Variants in KIAA0825 observed in about 807,000 individuals in gnomAD.
The protein encoded by KIAA0825 is uncharacterized protein KIAA0825.
Under a neutral mutation model 147.6 loss-of-function variants are expected in KIAA0825, and 119 were observed. The ratio of observed to expected loss-of-function variants is 0.81; its 90% CI spans 0.69 to 0.94. KIAA0825 has a LOEUF of 0.94. Ranked by LOEUF, KIAA0825 falls within the 40% of genes least tolerant of loss-of-function variation. The pLI, the probability that KIAA0825 is intolerant of heterozygous loss-of-function variation, is 0.00. For missense variants in KIAA0825, 1,381 were observed against 1,472.7 expected (o/e 0.94, Z 1.02); for synonymous variants, 470 against 518.1 (o/e 0.91, Z 1.26).
intron 2 of KIAA0825, among the ~76,000 whole-genome samples, chr5:94,541,536 T>C (rs1410998947): frequency 6.6e-6 from 1 of 152,224 alleles, no homozygotes; most frequent in Non-Finnish European, 1.5e-5. Context: ...AAAATTAATC[T>C]TGTAAAAAAA....
At chr5:94,562,563 T>G (rs1777741281) in intron 2 of KIAA0825, among the ~76,000 whole-genome samples, 1 of 152,220 alleles carries the variant, frequency 6.6e-6, no homozygotes, top group Non-Finnish European at 1.5e-5. Context: ...ACACAGAAGC[T>G]TTCAAGGAGC....
chr5:94,572,039 T>C (rs769962283), intron 2 of KIAA0825, among the ~76,000 whole-genome samples: 12 of 150,960 alleles, frequency 7.9e-5, no homozygotes, highest in Non-Finnish European at 1.6e-4. Context: ...GGTGTGCTAG[T>C]AGTGTGCCTG....
At chr5:94,312,479 G>A (rs114273550) in intron 20 of KIAA0825, among the ~76,000 whole-genome samples, 158 of 151,748 alleles carry the variant, frequency 1.0e-3, no homozygotes, top group African/African-American at 3.4e-3. Flanking sequence ...GGCTCCAAAG[G>A]AGCCATTGTT....
At chr5:94,317,128 G>A (rs1435839875) in intron 20 of KIAA0825, among the ~76,000 whole-genome samples, 2 of 151,810 alleles carry the variant, frequency 1.3e-5, no homozygotes, top group Admixed American at 6.6e-5. Flanking sequence ...TGGGAAGGGA[G>A]TGTGAATCCA....
chr5:94,466,620 C>T (rs1289812143), intron 10 of KIAA0825, among the ~76,000 whole-genome samples: 3 of 151,284 alleles, frequency 2.0e-5, no homozygotes, highest in Non-Finnish European at 2.9e-5. Flanking sequence ...GCCTGTAGTC[C>T]CAGCTACTTG....
intron 5 of KIAA0825, among the ~76,000 whole-genome samples, chr5:94,515,043 A>G (rs1034822789): frequency 6.6e-6 from 1 of 152,224 alleles, no homozygotes; most frequent in Non-Finnish European, 1.5e-5. Flanking sequence ...AAGAAAAATT[A>G]AAGATAGGAT....
At chr5:94,284,890 G>T (rs139793587) in intron 20 of KIAA0825, among the ~76,000 whole-genome samples, 1 of 151,908 alleles carries the variant, frequency 6.6e-6, no homozygotes, top group East Asian at 1.9e-4. Flanking sequence ...TACATGTATC[G>T]TGTACTAATT....
intron 3 of KIAA0825, 78 bp from the exon 4 acceptor site, chr5:94,524,176 A>C: frequency 1.2e-6 from 1 of 847,918 alleles, no homozygotes; most frequent in Non-Finnish European, 1.8e-6. Flanking sequence ...AGGCCCTGAA[A>C]TCTTCATATG....
chr5:94,521,808 T>A (rs1422690822), intron 4 of KIAA0825, among the ~76,000 whole-genome samples: 1 of 151,746 alleles, frequency 6.6e-6, no homozygotes, highest in East Asian at 1.9e-4. Context: ...GAAATTAGTT[T>A]ATATTCTCTA....
chr5:94,482,234 T>C (rs547872048), intron 6 of KIAA0825, among the ~76,000 whole-genome samples: 1 of 152,178 alleles, frequency 6.6e-6, no homozygotes, highest in African/African-American at 2.4e-5. Flanking sequence ...AAGTCTACAA[T>C]ATAATAGTAA....
At position 94,538,628 on chromosome 5, in the gene KIAA0825, T is replaced by C. The variant is rs934421315; in HGVS notation, c.-1-1501A>G. On this transcript the variant is annotated intron_variant, in intron 2 of 20. Transcript: ENST00000682413. ...AACTTGATTCTCCACTTTCATGCTA[T>C]TGATTTGCCTCAAATGTCTAAATGA... Among the ~76,000 whole-genome samples the C allele has an allele frequency of 4.6e-5, 7 of 152,388 alleles. No homozygotes were observed. In the South Asian group the frequency reaches 1.4e-3, roughly 32 times the overall value.
chr5:94,267,626 A>G (rs1192247823), intron 20 of KIAA0825, among the ~76,000 whole-genome samples: 3 of 152,162 alleles, frequency 2.0e-5, no homozygotes, highest in Non-Finnish European at 4.4e-5. Context: ...TCGTCATATC[A>G]ATTACCACTC....
At chr5:94,504,306 C>G (rs1765447906) in intron 5 of KIAA0825, among the ~76,000 whole-genome samples, 1 of 152,150 alleles carries the variant, frequency 6.6e-6, no homozygotes, top group Admixed American at 6.5e-5. Context: ...TGAAGCACCT[C>G]TCTTTAATCA....
chr5:94,220,876 A>T (rs1773614028), intron 20 of KIAA0825, among the ~76,000 whole-genome samples: 1 of 152,168 alleles, frequency 6.6e-6, no homozygotes, highest in Non-Finnish European at 1.5e-5. Context: ...TTATTATGGG[A>T]CTGAAAACTA....
At chr5:94,360,937 G>C (rs181332452) in intron 20 of KIAA0825, among the ~76,000 whole-genome samples, 1 of 152,076 alleles carries the variant, frequency 6.6e-6, no homozygotes, top group Non-Finnish European at 1.5e-5. Context: ...TTGGGGTCTG[G>C]ATCGGGATCC....
chr5:94,577,079 A>AT (rs1257664814), intron 2 of KIAA0825, among the ~76,000 whole-genome samples: 2 of 152,060 alleles, frequency 1.3e-5, no homozygotes, highest in African/African-American at 4.8e-5. Flanking sequence ...ATTGCTTTTC[A>AT]TTTTTTCATT....
chr5:94,236,579 T>C (rs77470180), intron 20 of KIAA0825, among the ~76,000 whole-genome samples: 1 of 152,194 alleles, frequency 6.6e-6, no homozygotes, highest in East Asian at 1.9e-4. Context: ...GAGGATTAAG[T>C]TCAATTTTGA....
At chr5:94,451,350 A>G (rs951811890) in intron 13 of KIAA0825, among the ~76,000 whole-genome samples, 2 of 152,188 alleles carry the variant, frequency 1.3e-5, no homozygotes, top group African/African-American at 4.8e-5. Flanking sequence ...ATATCTTCAT[A>G]TATAAAACTT....
chr5:94,523,982 G>A lies in KIAA0825; in HGVS notation c.248C>T (p.Ser83Phe). 1 of 1,607,236 alleles carries A rather than the reference G, an allele frequency of 6.2e-7. No individual in the cohort carries two copies. The highest frequency in any genetic ancestry group is 8.5e-7 in the Non-Finnish European group (1 of 1,175,722). Residue 83 changes from serine to phenylalanine, a missense_variant, in exon 4 of 21, where the codon TCT becomes TTT. Transcript: ENST00000682413. Reference protein sequence around the residue: ...EWLTNYNYSTSESSFISHGDL... With the variant: ...EWLTNYNYSTFESSFISHGDL... The stretch of plus-strand genomic sequence containing the variant: ...TCCATGAGAAATGAAAGATGATTCA[G>A]ATGTACTGTAATTATAGTTAGTTAG...
Sources: allele counts gnomAD v4.1 joint callset (sites outside exome capture counted in the v4.1 genomes callset), GRCh38; gene constraint gnomAD v4.1.1; transcripts MANE v1.5; gene names NCBI Gene and HGNC (gene_info 2026-07-23, HGNC 2026-07-21).